MMP26: variants seen among roughly 807,000 people sequenced by gnomAD.
The protein encoded by MMP26 is matrix metallopeptidase 26.
MMP26 carries 33 observed loss-of-function variants against 31.0 expected under a neutral mutation model. The ratio of observed to expected loss-of-function variants is 1.06; its 90% CI spans 0.81 to 1.42. The LOEUF (loss-of-function observed/expected upper bound fraction) is 1.42, where lower values mean the gene tolerates loss of function less well. MMP26 is among the 40% of genes most tolerant of loss of function. The pLI is 0.00. For missense variants in MMP26, 347 were observed against 316.1 expected, an observed-to-expected ratio of 1.10 and a Z score of -0.74; for synonymous variants, 122 against 114.9, an observed-to-expected ratio of 1.06 and a Z score of -0.40.
intron 2 of MMP26, among the ~76,000 whole-genome samples, chr11:4,795,435 G>A (rs1849092686): frequency 6.6e-6 from 1 of 152,178 alleles, no homozygotes; most frequent in African/African-American, 2.4e-5. Flanking sequence ...TGGGAATTAT[G>A]AGGGCCAAGT....
intron 2 of MMP26, among the ~76,000 whole-genome samples, chr11:4,824,518 G>A (rs961546127): frequency 9.9e-5 from 15 of 152,042 alleles, no homozygotes; most frequent in Admixed American, 2.0e-4. Context: ...TACAGAGTAC[G>A]GCAACTGCTG....
At chr11:4,811,014 G>T (rs1849342512) in intron 2 of MMP26, among the ~76,000 whole-genome samples, 1 of 152,312 alleles carries the variant, frequency 6.6e-6, no homozygotes, top group Middle Eastern at 3.4e-3. Flanking sequence ...GTATATGATA[G>T]ATGGTAATGA....
At chr11:4,897,028 T>C (rs1224493034) in intron 2 of MMP26, among the ~76,000 whole-genome samples, 1 of 152,180 alleles carries the variant, frequency 6.6e-6, no homozygotes, top group Non-Finnish European at 1.5e-5. Flanking sequence ...TGACCATATA[T>C]ATTCATATGC....
intron 2 of MMP26, among the ~76,000 whole-genome samples, chr11:4,959,863 G>C (rs1846496700): frequency 6.6e-6 from 1 of 151,890 alleles, no homozygotes; most frequent in African/African-American, 2.4e-5. Context: ...GAATGTGTTT[G>C]TGCCTGTGTG....
chr11:4,776,131 C>CT (rs35910154), intron 2 of MMP26, among the ~76,000 whole-genome samples: 4 of 152,018 alleles, frequency 2.6e-5, no homozygotes, highest in Non-Finnish European at 5.9e-5. Context: ...GAGTTTTGTT[C>CT]TTTTTTGTGA....
rs552796201 is a variant in MMP26, at chr11:4,805,289, A to C, written c.-145+37948A>C. 9.2e-5 allele frequency among the ~76,000 whole-genome samples: 14 copies of C among 152,328 alleles called. No homozygotes were observed. In the South Asian group the frequency reaches 2.5e-3, roughly 27 times the overall value. ...CTGACCAATTGTACATTTATAATTT[A>C]ATTTATTATCTTTAGTGTAGGTTTC... On this transcript the variant is annotated intron_variant, in intron 2 of 7. Transcript: ENST00000380390.
chr11:4,926,105 A>G (rs1489038799), intron 2 of MMP26, among the ~76,000 whole-genome samples: 1 of 152,208 alleles, frequency 6.6e-6, no homozygotes, highest in Non-Finnish European at 1.5e-5. Flanking sequence ...TACTGAAGAA[A>G]GAATACAATC....
chr11:4,789,543 T>TTTA (rs1848994136), intron 2 of MMP26, among the ~76,000 whole-genome samples: 1 of 112,582 alleles, frequency 8.9e-6, no homozygotes, highest in South Asian at 3.1e-4. Context: ...TTTTTTTTTT[T>TTTA]TTTTTTTTTT....
chr11:4,835,479 T>A (rs1381800049), intron 2 of MMP26, among the ~76,000 whole-genome samples: 1 of 152,124 alleles, frequency 6.6e-6, no homozygotes, highest in Non-Finnish European at 1.5e-5. Context: ...GAGGATAGGA[T>A]CCTAGACTGG....
chr11:4,733,031 C>T (rs1467374912), intron 1 of MMP26, among the ~76,000 whole-genome samples: 2 of 152,208 alleles, frequency 1.3e-5, no homozygotes, highest in Non-Finnish European at 2.9e-5. Context: ...TATGCCAGTA[C>T]TATGTACTGT....
At chr11:4,706,770 T>A (rs1018523827) in intron 1 of MMP26, among the ~76,000 whole-genome samples, 1 of 152,130 alleles carries the variant, frequency 6.6e-6, no homozygotes, top group East Asian at 1.9e-4. Flanking sequence ...ATCTCCCCCA[T>A]TTTTCCCTCT....
chr11:4,756,269 A>G (rs2133405941), intron 1 of MMP26, among the ~76,000 whole-genome samples: 1 of 152,226 alleles, frequency 6.6e-6, no homozygotes, highest in South Asian at 2.1e-4. Context: ...TACGGTGCAA[A>G]TAAAATAATG....
At chr11:4,959,784 G>T (rs947400236) in intron 2 of MMP26, among the ~76,000 whole-genome samples, 2 of 152,058 alleles carry the variant, frequency 1.3e-5, no homozygotes, top group African/African-American at 4.8e-5. Flanking sequence ...GCCCTAACTT[G>T]TTTATTGTTG....
At chr11:4,799,406 A>G (rs143058705) in intron 2 of MMP26, among the ~76,000 whole-genome samples, 125 of 152,158 alleles carry the variant, frequency 8.2e-4, no homozygotes, top group African/African-American at 2.7e-3. Context: ...AGAAGCTCTC[A>G]CATGAACTAA....
chr11:4,943,505 C>G (rs572452287), intron 2 of MMP26: 2 of 455,920 alleles, frequency 4.4e-6, no homozygotes, highest in South Asian at 3.1e-5. Flanking sequence ...ATGCTTGGCA[C>G]CACTGACATT....
chr11:4,890,643 A>G (rs1481835193), intron 2 of MMP26: 1 of 152,164 alleles, frequency 6.6e-6, no homozygotes, highest in Non-Finnish European at 1.5e-5. Flanking sequence ...GACACTCAGT[A>G]TGGATCTCCT....
intron 2 of MMP26, among the ~76,000 whole-genome samples, chr11:4,939,612 A>C (rs1403122936): frequency 6.6e-6 from 1 of 152,112 alleles, no homozygotes; most frequent in Admixed American, 6.6e-5. Context: ...TTGGATTCAG[A>C]CTTTTCTAAG....
At chr11:4,773,645 T>C (rs759700498) in intron 2 of MMP26, among the ~76,000 whole-genome samples, 17 of 151,918 alleles carry the variant, frequency 1.1e-4, no homozygotes, top group Non-Finnish European at 2.5e-4. Flanking sequence ...TTTTTATTTT[T>C]AGTTCTGGAG....
intron 1 of MMP26, chr11:4,709,941 T>C (rs1847837125): frequency 2.2e-6 from 1 of 456,884 alleles, no homozygotes; most frequent in South Asian, 1.5e-5. Context: ...CTTTGACCGC[T>C]TTATTGCCGT....
Sources: gnomAD v4.1 joint callset for allele counts (sites outside exome capture counted in the v4.1 genomes callset) on GRCh38, gnomAD v4.1.1 for gene constraint, MANE v1.5 for transcripts, NCBI Gene and HGNC (gene_info 2026-07-23, HGNC 2026-07-21) for gene names.